The following SUSD6 variants were observed in gnomAD, a reference collection of about 807,000 sequenced individuals.
SUSD6 encodes sushi domain-containing protein 6.
In SUSD6, 16 loss-of-function variants were observed where a neutral mutation model predicts 28.4. That is an observed-to-expected ratio of 0.56 (90% CI 0.38 to 0.86). SUSD6 has a LOEUF of 0.86. Among genes scored for constraint, SUSD6 ranks in the 40% least tolerant of loss-of-function variants. SUSD6 has a pLI of 0.00. For missense variants in SUSD6, 341 were observed against 384.2 expected (o/e 0.89, Z 0.94); for synonymous variants, 147 against 159.6 (o/e 0.92, Z 0.59).
At chr14:69,707,365 G>A (rs566612025) in intron 4 of SUSD6, among the ~76,000 whole-genome samples, 21 of 152,252 alleles carry the variant, frequency 1.4e-4, no homozygotes, top group Non-Finnish European at 2.4e-4. Context: ...AAAGATATCC[G>A]CATGAATAAG....
chr14:69,686,904 C>A (rs1003738851), intron 2 of SUSD6, among the ~76,000 whole-genome samples: 9 of 152,168 alleles, frequency 5.9e-5, no homozygotes, highest in Non-Finnish European at 1.2e-4. Context: ...ATGCTTTTCC[C>A]CACATGTTGT....
intron 2 of SUSD6, among the ~76,000 whole-genome samples, chr14:69,698,236 G>C (rs1373186031): frequency 6.6e-6 from 1 of 152,236 alleles, no homozygotes; most frequent in Non-Finnish European, 1.5e-5. Context: ...GCTGAGGCAG[G>C]AGAATCGCTT....
At chr14:69,675,777 T>C (rs1403409996) in intron 2 of SUSD6, among the ~76,000 whole-genome samples, 2 of 152,106 alleles carry the variant, frequency 1.3e-5, no homozygotes, top group African/African-American at 4.8e-5. Context: ...CAAATACTTT[T>C]TGTTTATTAT....
chr14:69,620,347 C>T (rs746230099), intron 1 of SUSD6, among the ~76,000 whole-genome samples: 14 of 152,188 alleles, frequency 9.2e-5, no homozygotes, highest in Non-Finnish European at 1.9e-4. Flanking sequence ...GCTATGATGT[C>T]AGACTGGTGG....
intron 1 of SUSD6, among the ~76,000 whole-genome samples, chr14:69,633,089 G>T (rs930199165): frequency 1.3e-5 from 2 of 152,186 alleles, no homozygotes; most frequent in Non-Finnish European, 2.9e-5. Flanking sequence ...TGTTCCTTCA[G>T]GATATTCTTG....
intron 5 of SUSD6, among the ~76,000 whole-genome samples, chr14:69,710,042 G>C (rs1171230575): frequency 6.6e-6 from 1 of 152,250 alleles, no homozygotes; most frequent in Non-Finnish European, 1.5e-5. Context: ...TGTTTATGGA[G>C]CTTCCTGGTT....
At chr14:69,639,512 G>A (rs544579727) in intron 1 of SUSD6, among the ~76,000 whole-genome samples, 26 of 152,188 alleles carry the variant, frequency 1.7e-4, no homozygotes, top group African/African-American at 6.0e-4. Flanking sequence ...TAATTCCCAA[G>A]CCCCTCTCTG....
chr14:69,627,723 C>T (rs1249864417), intron 1 of SUSD6, among the ~76,000 whole-genome samples: 1 of 152,144 alleles, frequency 6.6e-6, no homozygotes, highest in Non-Finnish European at 1.5e-5. Context: ...CTCGGCCTCC[C>T]AAAGTGCTGG....
chr14:69,632,826 T>C (rs897336833), intron 1 of SUSD6, among the ~76,000 whole-genome samples: 3 of 151,996 alleles, frequency 2.0e-5, no homozygotes, highest in African/African-American at 2.4e-5. Context: ...GTCTTCCTGC[T>C]CTCATCCAAA....
chr14:69,625,698 T>G (rs1885104409), intron 1 of SUSD6, among the ~76,000 whole-genome samples: 1 of 151,948 alleles, frequency 6.6e-6, no homozygotes, highest in South Asian at 2.1e-4. Context: ...ACATCCAGAG[T>G]GATCAAAAGG....
At chr14:69,638,767 T>C (rs1224932770) in intron 1 of SUSD6, among the ~76,000 whole-genome samples, 3 of 152,148 alleles carry the variant, frequency 2.0e-5, no homozygotes, top group Non-Finnish European at 4.4e-5. Context: ...CTTTTAATAG[T>C]TGATTTAAAA....
At chr14:69,633,343 G>A (rs1315348334) in intron 1 of SUSD6, among the ~76,000 whole-genome samples, 3 of 152,184 alleles carry the variant, frequency 2.0e-5, no homozygotes, top group African/African-American at 4.8e-5. Flanking sequence ...ACTGTCCCTT[G>A]CCCTGACAGA....
At chr14:69,709,205 C>A in intron 5 of SUSD6, 101 bp downstream of exon 5, 6 of 1,129,892 alleles carry the variant, frequency 5.3e-6, no homozygotes, top group Middle Eastern at 2.1e-4. Flanking sequence ...ATATTTTTAG[C>A]AAAAAAAAGA....
chr14:69,683,745 GA>G (rs1471585916), intron 2 of SUSD6, among the ~76,000 whole-genome samples: 1 of 152,218 alleles, frequency 6.6e-6, no homozygotes, highest in Non-Finnish European at 1.5e-5. Context: ...GGACGATTCT[GA>G]AAAGAAATCA....
At chr14:69,618,844 A>C (rs1439438394) in intron 1 of SUSD6, among the ~76,000 whole-genome samples, 1 of 152,246 alleles carries the variant, frequency 6.6e-6, no homozygotes, top group African/African-American at 2.4e-5. Flanking sequence ...TGAGACTCTT[A>C]GTTGAAGATC....
chr14:69,639,221 G>A (rs1026757004), intron 1 of SUSD6, among the ~76,000 whole-genome samples: 7 of 150,688 alleles, frequency 4.6e-5, no homozygotes, highest in Non-Finnish European at 1.5e-5. Flanking sequence ...CCAGCTACTC[G>A]GGAGGCTGAG....
chr14:69,660,265 T>G (rs949791976), intron 2 of SUSD6, among the ~76,000 whole-genome samples: 2 of 152,238 alleles, frequency 1.3e-5, no homozygotes, highest in African/African-American at 4.8e-5. Flanking sequence ...TTTTTTCTTT[T>G]CTTTTCTGAA....
chr14:69,627,734 G>T (rs1224055186), intron 1 of SUSD6, among the ~76,000 whole-genome samples: 1 of 152,168 alleles, frequency 6.6e-6, no homozygotes, highest in Non-Finnish European at 1.5e-5. Flanking sequence ...AAAGTGCTGG[G>T]ATTACAGGCG....
chr14:69,681,439 A>C (rs568179610), intron 2 of SUSD6, among the ~76,000 whole-genome samples: 1 of 152,194 alleles, frequency 6.6e-6, no homozygotes, highest in Non-Finnish European at 1.5e-5. Context: ...TTTCTGAAAG[A>C]GCTTTATAGC....
Sources: allele counts gnomAD v4.1 joint callset (sites outside exome capture counted in the v4.1 genomes callset), GRCh38; gene constraint gnomAD v4.1.1; transcripts MANE v1.5; gene names NCBI Gene and HGNC (gene_info 2026-07-23, HGNC 2026-07-21).